The following MAP3K13 variants were observed in gnomAD, a reference collection of about 807,000 sequenced individuals.
MAP3K13 encodes leucine zipper-bearing kinase.
A neutral mutation model predicts 104.0 loss-of-function variants in MAP3K13; 52 were observed. The ratio of observed to expected loss-of-function variants is 0.50; its 90% CI spans 0.40 to 0.63. MAP3K13 has a LOEUF of 0.63. Ranked by LOEUF, MAP3K13 falls within the 20% of genes least tolerant of loss-of-function variation. The pLI, the probability that MAP3K13 is intolerant of heterozygous loss-of-function variation, is 0.00. For synonymous variants in MAP3K13, 394 were observed against 442.2 expected (o/e 0.89, Z 1.37); for missense variants, 914 against 1,218.5 (o/e 0.75, Z 3.72).
At chr3:185,378,993 GA>G (rs1376042867) in intron 1 of MAP3K13, among the ~76,000 whole-genome samples, 8 of 152,300 alleles carry the variant, frequency 5.3e-5, no homozygotes, top group African/African-American at 1.9e-4. Flanking sequence ...TAGGCTAAGG[GA>G]AAAGGAGGAA....
chr3:185,443,392 A>G (rs1385836295), intron 3 of MAP3K13, 53 bp from the exon 4 acceptor site: 9 of 1,213,038 alleles, frequency 7.4e-6, no homozygotes, highest in Non-Finnish European at 1.0e-5. Context: ...TTAAATATAC[A>G]TATGTATACT....
intron 2 of MAP3K13, among the ~76,000 whole-genome samples, chr3:185,334,351 A>T (rs1181880197): frequency 6.6e-6 from 1 of 152,230 alleles, no homozygotes. Flanking sequence ...GATATACAAT[A>T]GCTAAAACAA....
chr3:185,363,657 C>G (rs1209347227), intron 1 of MAP3K13, among the ~76,000 whole-genome samples: 1 of 152,190 alleles, frequency 6.6e-6, no homozygotes, highest in Non-Finnish European at 1.5e-5. Flanking sequence ...AAGGGAGATT[C>G]ATTTCTCTGA....
chr3:185,349,246 C>T (rs979148637), intron 2 of MAP3K13, among the ~76,000 whole-genome samples: 4 of 151,912 alleles, frequency 2.6e-5, no homozygotes, highest in Admixed American at 1.3e-4. Flanking sequence ...GAACTTAATA[C>T]CCAGGAGATG....
chr3:185,391,700 A>T (rs1051472692), intron 1 of MAP3K13, among the ~76,000 whole-genome samples: 1 of 152,124 alleles, frequency 6.6e-6, no homozygotes, highest in Non-Finnish European at 1.5e-5. Flanking sequence ...TAGCCATTTC[A>T]TGTAATTCTG....
At chr3:185,440,787 T>A (rs1427989331) in intron 3 of MAP3K13, among the ~76,000 whole-genome samples, 2 of 152,148 alleles carry the variant, frequency 1.3e-5, no homozygotes, top group Admixed American at 1.3e-4. Context: ...TAGGCATGGG[T>A]TGGTAGCTGG....
chr3:185,364,975 G>A (rs1412490236), intron 1 of MAP3K13, among the ~76,000 whole-genome samples: 2 of 152,118 alleles, frequency 1.3e-5, no homozygotes, highest in South Asian at 2.1e-4. Flanking sequence ...CTACTAGCAC[G>A]AAAGGTCAAA....
chr3:185,331,644 TG>T (rs1369804306), intron 2 of MAP3K13, among the ~76,000 whole-genome samples: 3 of 152,112 alleles, frequency 2.0e-5, no homozygotes, highest in African/African-American at 7.2e-5. Context: ...TGACAACTGG[TG>T]TCATTAAAAT....
At chr3:185,370,751 A>G (rs1288940505) in intron 1 of MAP3K13, among the ~76,000 whole-genome samples, 1 of 151,886 alleles carries the variant, frequency 6.6e-6, no homozygotes, top group Non-Finnish European at 1.5e-5. Flanking sequence ...CAAAAAAAAA[A>G]AAAAAAAAAA....
At chr3:185,354,706 G>T (rs2108734664) in intron 2 of MAP3K13, among the ~76,000 whole-genome samples, 1 of 152,010 alleles carries the variant, frequency 6.6e-6, no homozygotes, top group East Asian at 2.0e-4. Flanking sequence ...CTTTCTTCTA[G>T]TATTGTATCC....
At chr3:185,456,208 G>T (rs950652560) in intron 7 of MAP3K13, among the ~76,000 whole-genome samples, 2 of 151,930 alleles carry the variant, frequency 1.3e-5, no homozygotes, top group African/African-American at 4.8e-5. Flanking sequence ...TGTTACCAAA[G>T]TTCTAACACA....
chr3:185,306,090 G>T (rs1350403213), intron 2 of MAP3K13, among the ~76,000 whole-genome samples: 5 of 152,278 alleles, frequency 3.3e-5, no homozygotes, highest in African/African-American at 1.2e-4. Context: ...CTGCATTCAT[G>T]TTGCTGCAAA....
chr3:185,352,606 T>C (rs1220777941), intron 2 of MAP3K13, among the ~76,000 whole-genome samples: 1 of 152,244 alleles, frequency 6.6e-6, no homozygotes, highest in Non-Finnish European at 1.5e-5. Context: ...TTATTGTGTT[T>C]CTTGTCTAGT....
intron 12 of MAP3K13, among the ~76,000 whole-genome samples, chr3:185,479,284 T>C (rs1577631034): frequency 6.6e-6 from 1 of 151,920 alleles, no homozygotes; most frequent in East Asian, 1.9e-4. Flanking sequence ...GAAGCTGGGG[T>C]GGATTGACAG....
At chr3:185,454,756 G>GATATATATGAT (rs1577582805) in intron 7 of MAP3K13, among the ~76,000 whole-genome samples, 1 of 11,990 alleles carries the variant, frequency 8.3e-5, no homozygotes, top group Non-Finnish European at 2.9e-4. Flanking sequence ...ATATATATGA[G>GATATATATGAT]ATATATATGA....
Position 185,465,815 on chromosome 3 carries a change from T to C in MAP3K13, c.1457T>C (p.Leu486Ser), listed in dbSNP as rs1326887263. Reference protein sequence around the residue: ...LERANNLYMELSAIMLQLEMR... With the variant: ...LERANNLYMESSAIMLQLEMR... ...CGGGCGAATAATTTATACATGGAATTGAGTGCCATCATGCTGCAGCTAGAA... is the reference window on the plus strand; with the variant it reads ...CGGGCGAATAATTTATACATGGAATCGAGTGCCATCATGCTGCAGCTAGAA... Residue 486 changes from leucine to serine, a missense_variant, in exon 9 of 14, where the codon TTG (leucine) becomes TCG (serine). Leu to Ser is a moderately radical substitution (Grantham distance 145). Transcript: ENST00000265026. 8 of 1,613,984 alleles carry C rather than the reference T, an allele frequency of 5.0e-6. No individual in the cohort carries two copies. The Admixed American group carries it at 1.3e-4, about 27-fold the overall frequency.
chr3:185,370,563 G>A (rs1175133407), intron 1 of MAP3K13, among the ~76,000 whole-genome samples: 2 of 152,120 alleles, frequency 1.3e-5, no homozygotes, highest in Admixed American at 1.3e-4. Context: ...GGAGGAGAAA[G>A]TGTCAGAATT....
chr3:185,430,925 C>T (rs1560102827), intron 2 of MAP3K13, among the ~76,000 whole-genome samples: 1 of 152,068 alleles, frequency 6.6e-6, no homozygotes, highest in African/African-American at 2.4e-5. Flanking sequence ...TTTAATGGAC[C>T]CACAGTTCAG....
intron 1 of MAP3K13, among the ~76,000 whole-genome samples, chr3:185,375,342 G>C (rs539121066): frequency 6.6e-6 from 1 of 150,584 alleles, no homozygotes; most frequent in African/African-American, 2.4e-5. Context: ...TGTAGGGAAG[G>C]GAGGGGGCCT....
Sources: allele counts gnomAD v4.1 joint callset (sites outside exome capture counted in the v4.1 genomes callset), GRCh38; gene constraint gnomAD v4.1.1; transcripts MANE v1.5; gene names NCBI Gene and HGNC (gene_info 2026-07-23, HGNC 2026-07-21).